Variants in TMEM132D observed in about 807,000 individuals in gnomAD.
The protein encoded by TMEM132D is transmembrane protein 132D.
Under a neutral mutation model 62.3 loss-of-function variants are expected in TMEM132D, and 21 were observed. The observed-to-expected ratio is 0.34, with a 90% confidence interval of 0.24 to 0.49. The LOEUF (loss-of-function observed/expected upper bound fraction) is 0.49, where lower values mean the gene tolerates loss of function less well. Ranked by LOEUF, TMEM132D falls within the 20% of genes least tolerant of loss-of-function variation. The pLI, the probability that TMEM132D is intolerant of heterozygous loss-of-function variation, is 0.99. For missense variants in TMEM132D, 1,346 were observed against 1,402.8 expected (o/e 0.96, Z 0.65); for synonymous variants, 621 against 575.6 (o/e 1.08, Z -1.13).
chr12:129,284,546 C>T (rs1234110952), intron 4 of TMEM132D, among the ~76,000 whole-genome samples: 1 of 152,202 alleles, frequency 6.6e-6, no homozygotes, highest in Non-Finnish European at 1.5e-5. Context: ...TATTTGTCCC[C>T]ACAATTCCAT....
At chr12:129,379,877 C>T (rs1218108740) in intron 3 of TMEM132D, among the ~76,000 whole-genome samples, 2 of 152,142 alleles carry the variant, frequency 1.3e-5, no homozygotes, top group Non-Finnish European at 2.9e-5. Flanking sequence ...GGAAATGGGT[C>T]ATGATAATTT....
chr12:129,416,755 G>GA (rs1872133076), intron 3 of TMEM132D, among the ~76,000 whole-genome samples: 1 of 152,142 alleles, frequency 6.6e-6, no homozygotes, highest in East Asian at 1.9e-4. Context: ...AGCATGAAGG[G>GA]ATGTTGAATT....
At chr12:129,396,582 C>A (rs1871439846) in intron 3 of TMEM132D, among the ~76,000 whole-genome samples, 1 of 152,150 alleles carries the variant, frequency 6.6e-6, no homozygotes, top group African/African-American at 2.4e-5. Context: ...TGGAGGAGAC[C>A]CGCAGGATGC....
chr12:129,144,029 C>T (rs988460292), intron 5 of TMEM132D, among the ~76,000 whole-genome samples: 2 of 152,034 alleles, frequency 1.3e-5, no homozygotes, highest in African/African-American at 4.8e-5. Flanking sequence ...ATTTTTCTTG[C>T]GGGACCCTTA....
intron 3 of TMEM132D, among the ~76,000 whole-genome samples, chr12:129,341,367 A>C (rs1201513579): frequency 1.3e-5 from 2 of 152,246 alleles, no homozygotes; most frequent in Non-Finnish European, 1.5e-5. Flanking sequence ...TGGTTAAAGC[A>C]GTGATTTTTC....
At chr12:129,114,521 ATTT>A (rs954812437) in intron 5 of TMEM132D, among the ~76,000 whole-genome samples, 8 of 150,536 alleles carry the variant, frequency 5.3e-5, no homozygotes, top group African/African-American at 2.0e-4. Context: ...ATTTATCCTT[ATTT>A]AACTTTTTAT....
chr12:129,074,624 C>T lies in TMEM132D; in HGVS notation c.2551G>A (p.Glu851Lys). 1 of 1,614,090 alleles carries T rather than the reference C, an allele frequency of 6.2e-7. No individual in the cohort carries two copies. The highest frequency in any genetic ancestry group is 8.5e-7 in the Non-Finnish European group (1 of 1,180,024). Residue 851 changes from glutamate (E) to lysine (K), a missense_variant, in exon 9 of 9, where the codon GAG becomes AAG. Transcript: ENST00000422113. The stretch of plus-strand genomic sequence containing the variant: ...CTGTCTGTCGTGGTGCCCCGTCCCT[C>T]CATGAGTCCCATAGAAGAACTGCCA... ...YYGSSSMGLM[E>K]GRGTTTDRSI...
intron 1 of TMEM132D, among the ~76,000 whole-genome samples, chr12:129,718,376 T>G (rs954014594): frequency 3.3e-5 from 5 of 152,112 alleles, no homozygotes; most frequent in Non-Finnish European, 5.9e-5. Flanking sequence ...CCAGAGGACA[T>G]GGAGGAACGA....
chr12:129,399,524 G>T (rs1871549892), intron 3 of TMEM132D, among the ~76,000 whole-genome samples: 2 of 135,928 alleles, frequency 1.5e-5, no homozygotes, highest in Non-Finnish European at 3.2e-5. Context: ...ACCTCTCAAA[G>T]GTCCCACCTC....
intron 4 of TMEM132D, among the ~76,000 whole-genome samples, chr12:129,304,362 G>A (rs899049542): frequency 1.4e-4 from 21 of 148,766 alleles, no homozygotes; most frequent in Non-Finnish European, 2.1e-4. Context: ...GCAAAGGCCA[G>A]GTCATGGCTT....
rs114683719 is a variant in TMEM132D at position 129,469,660 on chromosome 12, T to A, written c.1115+61399A>T. Among the ~76,000 whole-genome samples, 176 of 152,266 alleles carry A rather than the reference T, an allele frequency of 1.2e-3. 1 individual carries two copies. Among genetic ancestry groups the A allele is most frequent in the African/African-American group, 4.1e-3 (171 of 41,546 alleles). ...CCAGAGAGTGGGAACCAGTAACTGG[T>A]CATTGCTGCCACTCTGGTGTGGCAC... On this transcript the variant is annotated intron_variant, in intron 3 of 8. Transcript: ENST00000422113.
At chr12:129,795,658 C>T (rs1483071116) in intron 1 of TMEM132D, among the ~76,000 whole-genome samples, 1 of 152,068 alleles carries the variant, frequency 6.6e-6, no homozygotes, top group Non-Finnish European at 1.5e-5. Flanking sequence ...TCAGTCTACT[C>T]CTATCTTACA....
chr12:129,544,657 C>T (rs997609429), intron 2 of TMEM132D, among the ~76,000 whole-genome samples: 12 of 152,002 alleles, frequency 7.9e-5, no homozygotes, highest in Non-Finnish European at 7.4e-5. Context: ...TCAGTAAGAA[C>T]CACTTCTGTT....
chr12:129,878,730 A>C (rs1261189656), intron 1 of TMEM132D, among the ~76,000 whole-genome samples: 1 of 152,016 alleles, frequency 6.6e-6, no homozygotes, highest in African/African-American at 2.4e-5. Flanking sequence ...GCACCTGCCC[A>C]GCTAATTTTT....
intron 2 of TMEM132D, among the ~76,000 whole-genome samples, chr12:129,694,449 G>A (rs1322084321): frequency 6.6e-6 from 1 of 152,204 alleles, no homozygotes; most frequent in Non-Finnish European, 1.5e-5. Context: ...TATGGCCTGA[G>A]AAGGACTCTA....
At chr12:129,187,481 C>A (rs1042777356) in intron 5 of TMEM132D, among the ~76,000 whole-genome samples, 7 of 152,074 alleles carry the variant, frequency 4.6e-5, no homozygotes, top group Admixed American at 4.6e-4. Context: ...AGGGGAGAAC[C>A]AGAATGAAAG....
chr12:129,556,446 C>T (rs917587308), intron 2 of TMEM132D, among the ~76,000 whole-genome samples: 2 of 151,688 alleles, frequency 1.3e-5, no homozygotes, highest in Non-Finnish European at 2.9e-5. Flanking sequence ...ATCATGTCTT[C>T]CCCTGGCAAT....
Position 129,589,747 on chromosome 12 carries a change from G to A in TMEM132D, c.969-58542C>T, listed in dbSNP as rs562531936. 7.9e-5 allele frequency among the ~76,000 whole-genome samples: 12 copies of A among 152,200 alleles called. No homozygotes were observed. In the South Asian group the frequency reaches 1.0e-3, roughly 13 times the overall value. Reference sequence around the variant, plus strand: ...AGCAAATCTACAGCCACAGTCCCTCGGCGAGCAGACAGAGTTATCGCAGCT... The same window carrying A: ...AGCAAATCTACAGCCACAGTCCCTCAGCGAGCAGACAGAGTTATCGCAGCT... On this transcript the variant is annotated intron_variant, in intron 2 of 8. Transcript: ENST00000422113.
chr12:129,702,552 T>G (rs1162767062), intron 1 of TMEM132D, among the ~76,000 whole-genome samples: 8 of 152,202 alleles, frequency 5.3e-5, no homozygotes, highest in Admixed American at 4.6e-4. Context: ...CTGGCTGCAT[T>G]ATCAAAGTCA....
Sources: allele counts gnomAD v4.1 joint callset (sites outside exome capture counted in the v4.1 genomes callset), GRCh38; gene constraint gnomAD v4.1.1; transcripts MANE v1.5; gene names NCBI Gene and HGNC (gene_info 2026-07-23, HGNC 2026-07-21).